Variants in DUS2 observed in about 807,000 individuals in gnomAD.
The protein encoded by DUS2 is dihydrouridine synthase 2, also known as tRNA-dihydrouridine(20) synthase [NAD(P)+]-like.
Under a neutral mutation model 71.3 loss-of-function variants are expected in DUS2, and 52 were observed. That is an observed-to-expected ratio of 0.73 (90% CI 0.58 to 0.92). DUS2 has a LOEUF of 0.92. Among genes scored for constraint, DUS2 ranks in the 40% least tolerant of loss-of-function variants. The pLI is 0.00. For missense variants in DUS2, 558 were observed against 622.6 expected (o/e 0.90, Z 1.10); for synonymous variants, 204 against 227.8 (o/e 0.90, Z 0.94).
At chr16:68,049,376 A>C in intron 3 of DUS2, 129 bp from the exon 4 acceptor site, 1 of 885,900 alleles carries the variant, frequency 1.1e-6, no homozygotes, top group South Asian at 1.5e-5. Flanking sequence ...TACATGTCCC[A>C]AAAGCCGTGG....
chr16:68,042,779 G>T (rs1471618029), intron 3 of DUS2, among the ~76,000 whole-genome samples: 1 of 152,070 alleles, frequency 6.6e-6, no homozygotes, highest in Non-Finnish European at 1.5e-5. Flanking sequence ...CGTGATCTCA[G>T]TTCACTGCAA....
intron 14 of DUS2, among the ~76,000 whole-genome samples, chr16:68,076,123 C>T (rs1032609687): frequency 2.0e-5 from 3 of 152,156 alleles, no homozygotes; most frequent in Admixed American, 6.5e-5. Context: ...AATATGACCC[C>T]TCCCACCCTG....
chr16:68,077,640 C>T (rs1297702280), intron 15 of DUS2: 2 of 152,376 alleles, frequency 1.3e-5, no homozygotes, highest in South Asian at 2.1e-4. Flanking sequence ...CCCCCGACCT[C>T]GGCCTCCCAA....
intron 12 of DUS2, 126 bp downstream of exon 12, chr16:68,071,234 A>T (rs2034082677): frequency 9.8e-7 from 1 of 1,023,616 alleles, no homozygotes; most frequent in African/African-American, 1.6e-5. Flanking sequence ...TTTTTAGCTC[A>T]TGTAGTGTAG....
intron 4 of DUS2, among the ~76,000 whole-genome samples, chr16:68,052,867 T>G (rs1384329596): frequency 6.6e-6 from 1 of 152,004 alleles, no homozygotes; most frequent in East Asian, 1.9e-4. Context: ...GGTTTCAAAC[T>G]CCTAACCTCA....
chr16:68,076,781 C>T (rs1457797794), intron 15 of DUS2, 62 bp downstream of exon 15: 13 of 1,451,416 alleles, frequency 9.0e-6, no homozygotes, highest in South Asian at 1.2e-5. Context: ...CTTACACCCT[C>T]AACTCTAGAT....
intron 3 of DUS2, among the ~76,000 whole-genome samples, chr16:68,039,306 G>A (rs761350846): frequency 2.2e-4 from 34 of 152,122 alleles, no homozygotes; most frequent in Admixed American, 2.2e-3. Context: ...GCAGGTATTT[G>A]ACTTGAAAAT....
At chr16:68,047,097 C>A (rs997778761) in intron 3 of DUS2, among the ~76,000 whole-genome samples, 1 of 128,662 alleles carries the variant, frequency 7.8e-6, no homozygotes, top group Non-Finnish European at 1.6e-5. Context: ...TACTCTGTTG[C>A]CAGGCTGGAG....
At chr16:68,060,971 G>T in intron 7 of DUS2, 95 bp from the exon 8 acceptor site, 1 of 1,234,648 alleles carries the variant, frequency 8.1e-7, no homozygotes, top group African/African-American at 1.5e-5. Flanking sequence ...TTGGAAGTGA[G>T]TGCCGGGGTG....
At chr16:68,041,981 T>G (rs1288409047) in intron 3 of DUS2, among the ~76,000 whole-genome samples, 1 of 152,168 alleles carries the variant, frequency 6.6e-6, no homozygotes, top group Non-Finnish European at 1.5e-5. Context: ...TTTCATCTTG[T>G]GAAACGGAAA....
chr16:68,042,489 C>T (rs2033645523), intron 3 of DUS2, among the ~76,000 whole-genome samples: 5 of 152,094 alleles, frequency 3.3e-5, no homozygotes, highest in Admixed American at 3.3e-4. Flanking sequence ...ACTAACAGCA[C>T]ACAAAGCTTC....
intron 10 of DUS2, among the ~76,000 whole-genome samples, chr16:68,067,474 G>A (rs1272981669): frequency 6.0e-5 from 9 of 149,620 alleles, no homozygotes; most frequent in African/African-American, 2.2e-4. Flanking sequence ...TAGAGACAGG[G>A]TTTCACCACG....
chr16:68,046,574 G>A (rs2033704591), intron 3 of DUS2, among the ~76,000 whole-genome samples: 1 of 151,980 alleles, frequency 6.6e-6, no homozygotes, highest in African/African-American at 2.4e-5. Flanking sequence ...ACTGTGCCTG[G>A]CCTTAATTTC....
At chr16:68,068,563 C>A (rs2034040202) in intron 10 of DUS2, among the ~76,000 whole-genome samples, 2 of 149,446 alleles carry the variant, frequency 1.3e-5, no homozygotes, top group African/African-American at 4.9e-5. Flanking sequence ...CAGTGCCTGG[C>A]ATGTAGTATT....
intron 8 of DUS2, among the ~76,000 whole-genome samples, chr16:68,063,359 C>T (rs1186887957): frequency 2.0e-5 from 3 of 152,116 alleles, no homozygotes; most frequent in African/African-American, 4.8e-5. Flanking sequence ...CCAGGCTTGG[C>T]GTTTTAGGCC....
intron 2 of DUS2, among the ~76,000 whole-genome samples, chr16:68,036,156 C>G (rs1285828032): frequency 6.7e-6 from 1 of 149,434 alleles, no homozygotes; most frequent in Non-Finnish European, 1.5e-5. Context: ...ATCAGCACAG[C>G]TGGCTAATTT....
At chr16:68,061,992 C>T (rs2033946496) in intron 8 of DUS2, among the ~76,000 whole-genome samples, 1 of 151,250 alleles carries the variant, frequency 6.6e-6, no homozygotes, top group East Asian at 1.9e-4. Context: ...GATACTCTAT[C>T]TATAGTGCAC....
intron 8 of DUS2, among the ~76,000 whole-genome samples, chr16:68,062,223 C>G (rs1203046890): frequency 6.6e-6 from 1 of 151,896 alleles, no homozygotes; most frequent in African/African-American, 2.4e-5. Flanking sequence ...GTTGGCCACG[C>G]TGGTCTTGAA....
At chr16:68,046,611 AT>A (rs1182222872) in intron 3 of DUS2, among the ~76,000 whole-genome samples, 1 of 151,694 alleles carries the variant, frequency 6.6e-6, no homozygotes, top group African/African-American at 2.4e-5. Context: ...CCCATTTTTT[AT>A]TTCTTGAGTC....
Sources: allele counts gnomAD v4.1 joint callset (sites outside exome capture counted in the v4.1 genomes callset), GRCh38; gene constraint gnomAD v4.1.1; transcripts MANE v1.5; gene names NCBI Gene and HGNC (gene_info 2026-07-23, HGNC 2026-07-21).